The following CDH13 variants were observed in gnomAD, a reference collection of about 807,000 sequenced individuals.
CDH13 encodes the protein cadherin-13.
A neutral mutation model predicts 63.8 loss-of-function variants in CDH13; 24 were observed. The ratio of observed to expected loss-of-function variants is 0.38; its 90% CI spans 0.27 to 0.53. CDH13 has a LOEUF of 0.53. Ranked by LOEUF, CDH13 falls within the 20% of genes least tolerant of loss-of-function variation. The pLI is 0.85. For missense variants in CDH13, 1,049 were observed against 903.1 expected (o/e 1.16, Z -2.07); for synonymous variants, 503 against 355.3 (o/e 1.42, Z -4.67).
intron 6 of CDH13, among the ~76,000 whole-genome samples, chr16:83,444,367 T>C (rs58413374): frequency 8.2e-4 from 125 of 152,338 alleles, no homozygotes; most frequent in African/African-American, 2.9e-3. Context: ...CATGCTGTGA[T>C]TTTCCCATTT....
At position 82,713,043 on chromosome 16, in the gene CDH13, C is replaced by T. The variant is rs148361382; in HGVS notation, c.45+85906C>T. Among the ~76,000 whole-genome samples, 146 of 90,500 alleles carry T rather than the reference C, an allele frequency of 1.6e-3. 1 individual carries two copies. The highest frequency in any genetic ancestry group is 4.3e-3 in the African/African-American group (135 of 31,720). 59.4% of individuals were successfully genotyped at this position (90,500 alleles called of 152,430 possible). Reference sequence around the variant, plus strand: ...GCTTATGGAGTGAATAGAACCCCGGCGTGTGTGTGTGTGGTGTGTGTGTGT... The same window carrying T: ...GCTTATGGAGTGAATAGAACCCCGGTGTGTGTGTGTGTGGTGTGTGTGTGT... On this transcript the variant is annotated intron_variant, in intron 1 of 13. Transcript: ENST00000567109.
intron 7 of CDH13, among the ~76,000 whole-genome samples, chr16:83,524,727 C>G (rs2074919634): frequency 6.6e-6 from 1 of 152,160 alleles, no homozygotes; most frequent in Non-Finnish European, 1.5e-5. Flanking sequence ...GCTGGGATTA[C>G]AGGTGTGAGC....
At chr16:83,214,943 G>A (rs1471616651) in intron 4 of CDH13, among the ~76,000 whole-genome samples, 1 of 152,092 alleles carries the variant, frequency 6.6e-6, no homozygotes, top group African/African-American at 2.4e-5. Context: ...GGTGAGCCCA[G>A]TAAGCTGTGG....
At chr16:82,728,018 C>T (rs1028923727) in intron 1 of CDH13, among the ~76,000 whole-genome samples, 3 of 152,154 alleles carry the variant, frequency 2.0e-5, no homozygotes, top group Non-Finnish European at 4.4e-5. Context: ...ATTACTCAAA[C>T]CCTTGGGAAA....
chr16:83,427,452 A>G (rs570868121), intron 6 of CDH13, among the ~76,000 whole-genome samples: 1 of 152,178 alleles, frequency 6.6e-6, no homozygotes, highest in Non-Finnish European at 1.5e-5. Flanking sequence ...GCAAGAAACG[A>G]ATTCTCTTCT....
chr16:83,347,718 A>G (rs2090869317), intron 6 of CDH13, among the ~76,000 whole-genome samples: 1 of 152,206 alleles, frequency 6.6e-6, no homozygotes, highest in Non-Finnish European at 1.5e-5. Context: ...ATCAGTGTCT[A>G]CGTCTCCAGC....
intron 4 of CDH13, among the ~76,000 whole-genome samples, chr16:83,189,951 C>G (rs577944829): frequency 7.9e-5 from 12 of 152,304 alleles, no homozygotes; most frequent in Admixed American, 7.8e-4. Context: ...CACAAGCTCT[C>G]TTGCCTGCCC....
At chr16:82,842,595 T>A (rs998772932) in intron 1 of CDH13, among the ~76,000 whole-genome samples, 5 of 152,116 alleles carry the variant, frequency 3.3e-5, no homozygotes, top group African/African-American at 1.2e-4. Context: ...AGTCCCCAAC[T>A]TTTTGGCACT....
intron 5 of CDH13, among the ~76,000 whole-genome samples, chr16:83,232,364 A>G (rs2040023535): frequency 6.6e-6 from 1 of 151,792 alleles, no homozygotes; most frequent in Admixed American, 6.6e-5. Context: ...GTCTCTACTA[A>G]AAAAACAAAA....
At chr16:83,361,404 T>C (rs2091158679) in intron 6 of CDH13, among the ~76,000 whole-genome samples, 1 of 152,230 alleles carries the variant, frequency 6.6e-6, no homozygotes, top group Admixed American at 6.5e-5. Context: ...CTGTTGATAG[T>C]TTCCTTTGCT....
At chr16:83,466,333 G>A (rs1166546179) in intron 6 of CDH13, among the ~76,000 whole-genome samples, 7 of 152,106 alleles carry the variant, frequency 4.6e-5, no homozygotes, top group African/African-American at 1.7e-4. Flanking sequence ...GTTTTATTAG[G>A]GGCTTACATC....
At chr16:82,966,891 A>G (rs1378150622) in intron 2 of CDH13, among the ~76,000 whole-genome samples, 9 of 152,200 alleles carry the variant, frequency 5.9e-5, no homozygotes, top group Non-Finnish European at 1.3e-4. Context: ...TAACGCTATT[A>G]AAAATTATCT....
chr16:83,064,863 A>T (rs567915615), intron 3 of CDH13, among the ~76,000 whole-genome samples: 2 of 152,060 alleles, frequency 1.3e-5, no homozygotes, highest in African/African-American at 4.8e-5. Flanking sequence ...TTGCTGAGAC[A>T]TTTGAAATTG....
intron 8 of CDH13, among the ~76,000 whole-genome samples, chr16:83,635,966 G>C (rs185689441): frequency 1.3e-5 from 2 of 151,786 alleles, no homozygotes; most frequent in Non-Finnish European, 2.9e-5. Context: ...TGATCCTTTC[G>C]GAACTGATTT....
intron 6 of CDH13, among the ~76,000 whole-genome samples, chr16:83,361,582 A>C (rs2091163056): frequency 6.6e-6 from 1 of 152,172 alleles, no homozygotes; most frequent in Non-Finnish European, 1.5e-5. Flanking sequence ...TTGAATATTT[A>C]ATGCATCTTG....
chr16:82,938,918 T>G (rs796282593), intron 2 of CDH13, among the ~76,000 whole-genome samples: 22 of 152,150 alleles, frequency 1.4e-4, no homozygotes, highest in African/African-American at 5.3e-4. Context: ...AAAAGGGTGT[T>G]GATTTGGGAA....
intron 2 of CDH13, among the ~76,000 whole-genome samples, chr16:82,909,733 G>C (rs1009407338): frequency 6.6e-6 from 1 of 152,062 alleles, no homozygotes; most frequent in Non-Finnish European, 1.5e-5. Flanking sequence ...CTCCCACCGG[G>C]TTCCTCCCAC....
At chr16:83,055,396 AAAG>A (rs1052857931) in intron 3 of CDH13, among the ~76,000 whole-genome samples, 8 of 151,894 alleles carry the variant, frequency 5.3e-5, no homozygotes, top group African/African-American at 1.7e-4. Flanking sequence ...AAAAAAAAGA[AAAG>A]ACACTATGGC....
At chr16:83,021,848 G>C (rs1428568456) in intron 2 of CDH13, among the ~76,000 whole-genome samples, 1 of 152,158 alleles carries the variant, frequency 6.6e-6, no homozygotes, top group East Asian at 1.9e-4. Context: ...GAACACGGAA[G>C]CCCAATACGC....
Sources: gnomAD v4.1 joint callset for allele counts (sites outside exome capture counted in the v4.1 genomes callset) on GRCh38, gnomAD v4.1.1 for gene constraint, MANE v1.5 for transcripts, NCBI Gene and HGNC (gene_info 2026-07-23, HGNC 2026-07-21) for gene names.